Variants in IGSF11 observed in about 807,000 individuals in gnomAD.
IGSF11 encodes immunoglobulin superfamily member 11.
A neutral mutation model predicts 41.0 loss-of-function variants in IGSF11; 22 were observed. The ratio of observed to expected loss-of-function variants is 0.54; its 90% confidence interval spans 0.38 to 0.77. The LOEUF (loss-of-function observed/expected upper bound fraction) is 0.77, where lower values mean the gene tolerates loss of function less well. Among genes scored for constraint, IGSF11 ranks in the 30% least tolerant of loss-of-function variants. The pLI is 0.00. For synonymous variants in IGSF11, 219 were observed against 201.3 expected (o/e 1.09, Z -0.74); for missense variants, 444 against 530.8 (o/e 0.84, Z 1.61).
chr3:119,138,368 C>A (rs138569167), intron 1 of IGSF11, among the ~76,000 whole-genome samples: 4 of 152,040 alleles, frequency 2.6e-5, no homozygotes, highest in Non-Finnish European at 5.9e-5. Context: ...TATATATATA[C>A]AATGGAGTAC....
intron 1 of IGSF11, among the ~76,000 whole-genome samples, chr3:119,087,841 A>G (rs776557984): frequency 1.2e-4 from 18 of 152,344 alleles, no homozygotes; most frequent in Middle Eastern, 6.8e-3. Flanking sequence ...AGGGCATTAC[A>G]TAATGATAAA....
At chr3:118,943,510 T>C (rs2107563308) in intron 1 of IGSF11, among the ~76,000 whole-genome samples, 1 of 152,354 alleles carries the variant, frequency 6.6e-6, no homozygotes, top group Non-Finnish European at 1.5e-5. Context: ...CAGGATTGTC[T>C]TTTATTACAA....
chr3:118,961,790 G>C (rs1041140463), intron 1 of IGSF11, among the ~76,000 whole-genome samples: 1 of 152,152 alleles, frequency 6.6e-6, no homozygotes, highest in Non-Finnish European at 1.5e-5. Context: ...CTATGAAATA[G>C]CAATTTTAAA....
chr3:119,023,777 C>T (rs1312205745), intron 1 of IGSF11, among the ~76,000 whole-genome samples: 5 of 152,090 alleles, frequency 3.3e-5, no homozygotes, highest in South Asian at 2.1e-4. Flanking sequence ...GCTAACATGC[C>T]GACCCCCACT....
chr3:118,975,083 C>T (rs1933919647), intron 1 of IGSF11, among the ~76,000 whole-genome samples: 1 of 152,114 alleles, frequency 6.6e-6, no homozygotes, highest in Admixed American at 6.6e-5. Context: ...ATCCTAATTG[C>T]TCTAATTACA....
chr3:119,103,164 A>G (rs578218203), intron 1 of IGSF11, among the ~76,000 whole-genome samples: 1 of 151,962 alleles, frequency 6.6e-6, no homozygotes, highest in South Asian at 2.1e-4. Flanking sequence ...TGACTGGCTA[A>G]TTTTTTGTAT....
chr3:119,032,902 G>A (rs1023459089), intron 1 of IGSF11, among the ~76,000 whole-genome samples: 24 of 152,198 alleles, frequency 1.6e-4, no homozygotes, highest in African/African-American at 5.3e-4. Context: ...CAAAAGCACA[G>A]AGTGATGGCT....
intron 1 of IGSF11, among the ~76,000 whole-genome samples, chr3:119,126,535 A>G (rs916415186): frequency 6.6e-6 from 1 of 152,110 alleles, no homozygotes; most frequent in African/African-American, 2.4e-5. Flanking sequence ...GCTTCATTAA[A>G]CGAGTCCTGC....
At chr3:119,004,037 G>A (rs1403173608) in intron 1 of IGSF11, among the ~76,000 whole-genome samples, 1 of 151,968 alleles carries the variant, frequency 6.6e-6, no homozygotes, top group Non-Finnish European at 1.5e-5. Flanking sequence ...CAGAAGGAAT[G>A]GTACCAGTTC....
At chr3:119,109,512 GA>G (rs2077103745), upstream of IGSF11, among the ~76,000 whole-genome samples, 1 of 151,856 alleles carries the variant, frequency 6.6e-6, no homozygotes, top group Non-Finnish European at 1.5e-5. Flanking sequence ...AGTGGTCTAT[GA>G]ATTTTGTTGA....
chr3:119,111,373 T>A (rs184411027), intron 1 of IGSF11, among the ~76,000 whole-genome samples: 1 of 152,092 alleles, frequency 6.6e-6, no homozygotes, highest in Admixed American at 6.5e-5. Flanking sequence ...TTTCTTCCAG[T>A]TGATCGCATC....
chr3:119,083,722 C>T (rs1360484543), intron 1 of IGSF11, among the ~76,000 whole-genome samples: 1 of 152,194 alleles, frequency 6.6e-6, no homozygotes, highest in Non-Finnish European at 1.5e-5. Flanking sequence ...AAACCTACTG[C>T]TCTGCTAGTC....
chr3:119,065,966 C>A (rs1218131441), intron 1 of IGSF11, among the ~76,000 whole-genome samples: 1 of 151,920 alleles, frequency 6.6e-6, no homozygotes, highest in Non-Finnish European at 1.5e-5. Context: ...AATGGACAAC[C>A]TTTTAAATAA....
intron 1 of IGSF11, chr3:119,012,628 C>G (rs542694396): frequency 5.9e-5 from 9 of 152,184 alleles, no homozygotes; most frequent in South Asian, 4.2e-4. Flanking sequence ...AATAAAACTC[C>G]CATCAACATT....
At chr3:119,072,125 G>A (rs560506938) in intron 1 of IGSF11, among the ~76,000 whole-genome samples, 15 of 152,170 alleles carry the variant, frequency 9.9e-5, no homozygotes, top group Non-Finnish European at 1.6e-4. Context: ...TATTTAGCAC[G>A]TCTTCCGTGA....
At chr3:119,003,861 T>C (rs1364147216) in intron 1 of IGSF11, among the ~76,000 whole-genome samples, 4 of 149,848 alleles carry the variant, frequency 2.7e-5, no homozygotes, top group African/African-American at 5.0e-5. Context: ...TGGATTCAGT[T>C]TGCCAGTATT....
intron 1 of IGSF11, among the ~76,000 whole-genome samples, chr3:118,985,230 A>G (rs1935132751): frequency 6.6e-6 from 1 of 152,216 alleles, no homozygotes; most frequent in Admixed American, 6.5e-5. Context: ...ATCTCAAATC[A>G]AAAGGCACTA....
rs1357111856 is a variant in IGSF11 at position 119,075,531 on chromosome 3, A to C, written c.49+29613T>G. Among the ~76,000 whole-genome samples the C allele has an allele frequency of 2.0e-5, 3 of 152,162 alleles. No homozygotes were observed. In the East Asian group the frequency reaches 5.8e-4, roughly 29 times the overall value. The stretch of plus-strand genomic sequence containing the variant: ...AGCAGAGACACAACAGCAAACAAAA[A>C]CATTCAAGCCAATATCCCTCATAAA... On this transcript the variant is annotated intron_variant, in intron 1 of 6. Coordinates refer to the IGSF11 transcript ENST00000354673.
At chr3:118,960,667 A>C (rs1432924156) in intron 1 of IGSF11, among the ~76,000 whole-genome samples, 1 of 152,230 alleles carries the variant, frequency 6.6e-6, no homozygotes, top group East Asian at 1.9e-4. Flanking sequence ...ATCACTACTC[A>C]GAGATGAAGA....
Sources: allele counts gnomAD v4.1 joint callset (sites outside exome capture counted in the v4.1 genomes callset), GRCh38; gene constraint gnomAD v4.1.1; transcripts MANE v1.5; gene names NCBI Gene and HGNC (gene_info 2026-07-23, HGNC 2026-07-21).